ADAM2: variants seen among roughly 807,000 people sequenced by gnomAD.
ADAM2 encodes disintegrin and metalloproteinase domain-containing protein 2.
ADAM2 carries 101 observed loss-of-function variants against 99.3 expected under a neutral mutation model. The observed-to-expected ratio is 1.02, with a 90% confidence interval of 0.87 to 1.20. ADAM2 has a LOEUF of 1.20. Ranked by LOEUF, ADAM2 falls within the 50% of genes most tolerant of loss-of-function variation. The pLI, the probability that ADAM2 is intolerant of heterozygous loss-of-function variation, is 0.00. For synonymous variants in ADAM2, 323 were observed against 287.6 expected, an observed-to-expected ratio of 1.12 and a Z score of -1.25; for missense variants, 948 against 878.7, an observed-to-expected ratio of 1.08 and a Z score of -1.00.
chr8:39,769,447 A>G lies in ADAM2; in HGVS notation c.1157T>C (p.Val386Ala), dbSNP rs1370256578. Residue 386 changes from valine (V) to alanine (A), a missense_variant, in exon 12 of 21, where the codon GTG becomes GCG. By Grantham distance (64) the Val-to-Ala change is moderately conservative. Transcript: ENST00000265708. ...RLDPFFKQQA[V>A]CGNAKLEAGE... Reference sequence around the variant, plus strand: ...TGCTTCCAGCTTTGCATTACCACACACTGCTTGCTGTTTGAAAAAAGGATC... The same window carrying G: ...TGCTTCCAGCTTTGCATTACCACACGCTGCTTGCTGTTTGAAAAAAGGATC... 1.9e-6 allele frequency: 3 copies of G among 1,613,786 alleles called. No homozygotes were observed. Among genetic ancestry groups the G allele is most frequent in the South Asian group, 1.1e-5 (1 of 91,078 alleles).
intron 10 of ADAM2, among the ~76,000 whole-genome samples, chr8:39,784,425 G>A (rs1803369523): frequency 6.6e-6 from 1 of 152,130 alleles, no homozygotes; most frequent in South Asian, 2.1e-4. Context: ...CTGTTGCCCA[G>A]GCTGGAGTGC....
At chr8:39,750,102 G>A (rs565747859) in intron 16 of ADAM2, among the ~76,000 whole-genome samples, 3 of 152,058 alleles carry the variant, frequency 2.0e-5, no homozygotes, top group Admixed American at 6.6e-5. Flanking sequence ...AAATATTTGA[G>A]AACAGTTAAA....
At chr8:39,838,002 G>A in intron 1 of ADAM2, 129 bp downstream of exon 1, 1 of 987,410 alleles carries the variant, frequency 1.0e-6, no homozygotes, top group Admixed American at 2.1e-5. Context: ...TGTCGGGGAT[G>A]AGCTTGGAAT....
At chr8:39,746,707 T>A (rs1270957728) in intron 18 of ADAM2, 76 bp from the exon 19 acceptor site, 3 of 1,123,382 alleles carry the variant, frequency 2.7e-6, no homozygotes, top group Non-Finnish European at 3.8e-6. Context: ...TTTTACTACG[T>A]CTACCAAAAT....
intron 6 of ADAM2, among the ~76,000 whole-genome samples, chr8:39,816,482 A>T (rs527935000): frequency 6.6e-6 from 1 of 152,174 alleles, no homozygotes; most frequent in Non-Finnish European, 1.5e-5. Context: ...AAATAAAAAC[A>T]TATATCCACA....
chr8:39,797,123 C>T (rs1400404113), intron 7 of ADAM2, among the ~76,000 whole-genome samples: 1 of 152,192 alleles, frequency 6.6e-6, no homozygotes, highest in Non-Finnish European at 1.5e-5. Context: ...AGTCTTCACT[C>T]ATGCCTATTT....
At chr8:39,806,601 G>C (rs1415551067) in intron 7 of ADAM2, among the ~76,000 whole-genome samples, 1 of 151,280 alleles carries the variant, frequency 6.6e-6, no homozygotes, top group Non-Finnish European at 1.5e-5. Flanking sequence ...ACTTGTGAGT[G>C]ACAAAATAGA....
chr8:39,755,649 G>A (rs1802119301), intron 16 of ADAM2, 79 bp downstream of exon 16: 1 of 1,076,264 alleles, frequency 9.3e-7, no homozygotes, highest in Non-Finnish European at 1.4e-6. Flanking sequence ...ACTCTAGCCA[G>A]GGCAAGAGTG....
chr8:39,832,840 A>G (rs1805672244), intron 3 of ADAM2, among the ~76,000 whole-genome samples: 1 of 152,030 alleles, frequency 6.6e-6, no homozygotes, highest in Non-Finnish European at 1.5e-5. Context: ...CATTATATGT[A>G]TGTAAGGTAT....
At chr8:39,777,620 G>T (rs748252524) in intron 10 of ADAM2, among the ~76,000 whole-genome samples, 2 of 151,940 alleles carry the variant, frequency 1.3e-5, no homozygotes, top group Non-Finnish European at 2.9e-5. Flanking sequence ...AGTATTTCTA[G>T]GACAATAGTG....
rs368800727 is a variant in ADAM2 at position 39,767,133 on chromosome 8, A to G, written c.1311+20T>C. The stretch of plus-strand genomic sequence containing the variant: ...AACTACTTATGTAGGTAATATTGAA[A>G]TTTTTCAAAAAGCTCTTACTAGACA... On this transcript the variant is annotated intron_variant, in intron 13 of 20. Transcript: ENST00000265708. 7.1e-5 allele frequency: 113 copies of G among 1,600,282 alleles called. No individual in the cohort carries two copies. The African/African-American group carries it at 1.5e-3, about 21-fold the overall frequency.
chr8:39,827,902 T>C (rs1436680056), intron 3 of ADAM2, among the ~76,000 whole-genome samples: 3 of 152,090 alleles, frequency 2.0e-5, no homozygotes, highest in African/African-American at 2.4e-5. Flanking sequence ...AGTATTTGAA[T>C]TGATGAATAT....
At position 39,788,110 on chromosome 8, in the gene ADAM2, G is replaced by T. The variant is rs116616748; in HGVS notation, c.784C>A (p.Pro262Thr). ...ACAAGTAAAAATGCCACATCATGAG[G>T]ACGTAAAACAAGATAAGATGTTTTC... ...RWKTSYLVLRPHDVAFLLVYR... is the reference protein window; with the variant it reads ...RWKTSYLVLRTHDVAFLLVYR... The change falls in exon 9 of 21, where the codon CCT (proline) becomes ACT (threonine). Residue 262 changes from proline (P) to threonine (T), a missense_variant. Transcript: ENST00000265708. 1.1e-5 allele frequency: 17 copies of T among 1,552,334 alleles called. No homozygotes were observed. The South Asian group carries it at 1.6e-4, about 15-fold the overall frequency.
chr8:39,810,916 G>T (rs986452836), intron 6 of ADAM2, among the ~76,000 whole-genome samples: 1 of 151,868 alleles, frequency 6.6e-6, no homozygotes, highest in Admixed American at 6.6e-5. Context: ...CTAGCAGAAG[G>T]CAAGAAATAA....
intron 7 of ADAM2, among the ~76,000 whole-genome samples, chr8:39,800,672 T>G (rs1255746394): frequency 6.6e-6 from 1 of 152,200 alleles, no homozygotes; most frequent in African/African-American, 2.4e-5. Context: ...CAATCAATCT[T>G]AGGTTTAGTC....
rs200082856 is a variant in ADAM2, at chr8:39,777,166, GA to G, written c.892-6del. ...CAGACTTATGGTTCTGGGGTGCTGA[GA>G]AAAAAAAATAGATGTACACGTTTTG... On this transcript the variant is annotated splice_polypyrimidine_tract_variant and splice_region_variant and intron_variant, in intron 10 of 20. Transcript: ENST00000265708. 1.2e-4 allele frequency: 193 copies of G among 1,557,592 alleles called. 2 individuals are homozygous for G. Among genetic ancestry groups the G allele is most frequent in the African/African-American group, 3.3e-4 (24 of 71,710 alleles).
rs901917444 is a variant in ADAM2, at chr8:39,748,907, T to C, written c.2014+405A>G. On this transcript the variant is annotated intron_variant, in intron 18 of 20. Transcript: ENST00000265708. ...CATCCCTGACCATAGTTATATATCA[T>C]GCTAAATGGCCCAGAATCTGATTCT... Among the ~76,000 whole-genome samples the C allele has an allele frequency of 4.6e-5, 7 of 152,242 alleles. No homozygotes were observed. In the South Asian group the frequency reaches 1.2e-3, roughly 27 times the overall value.
At chr8:39,812,064 A>G (rs1031623363) in intron 6 of ADAM2, among the ~76,000 whole-genome samples, 4 of 152,236 alleles carry the variant, frequency 2.6e-5, no homozygotes, top group African/African-American at 9.6e-5. Context: ...TAAGCTGATA[A>G]GCAACTTCAG....
chr8:39,837,977 T>G (rs1805907447), intron 1 of ADAM2, among the ~76,000 whole-genome samples, 154 bp downstream of exon 1: 1 of 151,858 alleles, frequency 6.6e-6, no homozygotes, highest in Non-Finnish European at 1.5e-5. Context: ...GGATTTTGGG[T>G]GGGGAAGGCG....
Sources: gnomAD v4.1 joint callset for allele counts (sites outside exome capture counted in the v4.1 genomes callset) on GRCh38, gnomAD v4.1.1 for gene constraint, MANE v1.5 for transcripts, NCBI Gene and HGNC (gene_info 2026-07-23, HGNC 2026-07-21) for gene names.